Variants in SSH1 observed in about 807,000 individuals in gnomAD.
The protein encoded by SSH1 is protein phosphatase Slingshot homolog 1.
In SSH1, 43 loss-of-function variants were observed where a neutral mutation model predicts 79.7. That is an observed-to-expected ratio of 0.54 (90% CI 0.42 to 0.70). SSH1 has a LOEUF of 0.70. Among genes scored for constraint, SSH1 ranks in the 30% least tolerant of loss-of-function variants. SSH1 has a pLI of 0.00. For missense variants in SSH1, 1,206 were observed against 1,358.8 expected, an observed-to-expected ratio of 0.89 and a Z score of 1.77; for synonymous variants, 599 against 538.3, an observed-to-expected ratio of 1.11 and a Z score of -1.56.
chr12:108,797,325 T>A (rs2036795283), intron 13 of SSH1, among the ~76,000 whole-genome samples: 2 of 151,914 alleles, frequency 1.3e-5, no homozygotes, highest in Non-Finnish European at 2.9e-5. Flanking sequence ...AGACAGGGTC[T>A]CAGCATGTTG....
intron 13 of SSH1, among the ~76,000 whole-genome samples, chr12:108,796,665 C>T (rs1203775217): frequency 6.6e-6 from 1 of 152,046 alleles, no homozygotes; most frequent in East Asian, 1.9e-4. Context: ...CACTAATGTA[C>T]AAATATCTCT....
chr12:108,794,190 A>G (rs2036640965), intron 13 of SSH1, among the ~76,000 whole-genome samples: 3 of 152,180 alleles, frequency 2.0e-5, no homozygotes, highest in Admixed American at 6.5e-5. Context: ...CACCAGACTG[A>G]TATCTCCCAG....
chr12:108,789,372 T>C (rs963211957), intron 14 of SSH1, 128 bp from the exon 15 acceptor site: 1 of 914,054 alleles, frequency 1.1e-6, no homozygotes, highest in African/African-American at 1.6e-5. Context: ...GAGGCTCTCA[T>C]TTCACTTAAT....
chr12:108,833,461 C>T (rs934486745), intron 2 of SSH1, among the ~76,000 whole-genome samples: 1 of 152,202 alleles, frequency 6.6e-6, no homozygotes, highest in African/African-American at 2.4e-5. Context: ...GAGATTATCC[C>T]GACTGTCCCA....
intron 13 of SSH1, among the ~76,000 whole-genome samples, chr12:108,796,484 A>C (rs542548693): frequency 1.3e-5 from 2 of 152,322 alleles, no homozygotes; most frequent in African/African-American, 4.8e-5. Context: ...CACTTAGCGC[A>C]ATGTCATGAA....
rs2036250143 is a variant in SSH1 at position 108,785,582 on chromosome 12, G to C, written c.*2406C>G. The C allele has an allele frequency of 6.6e-6, 1 of 152,174 alleles. No individual in the cohort carries two copies. The highest frequency in any genetic ancestry group is 2.1e-4 in the South Asian group (1 of 4,834). 9.4% of individuals were successfully genotyped at this position (152,174 alleles called of 1,614,324 possible). A position where few individuals can be genotyped will look rare whatever the true frequency, so the allele number is the denominator to read the frequency against. ...TGGACGGGACCAGCGCTCTCGTCTGGATGTTGATATGCTAGCTGTGCTTCC... is the reference window on the plus strand; with the variant it reads ...TGGACGGGACCAGCGCTCTCGTCTGCATGTTGATATGCTAGCTGTGCTTCC... On this transcript the variant is annotated 3_prime_UTR_variant, in exon 15 of 15. Transcript: ENST00000326495.
intron 2 of SSH1, among the ~76,000 whole-genome samples, chr12:108,843,715 A>G (rs769264863): frequency 3.0e-4 from 46 of 152,070 alleles, no homozygotes; most frequent in South Asian, 6.2e-4. Flanking sequence ...TTGTATTTTT[A>G]GCAGAGACAG....
intron 2 of SSH1, among the ~76,000 whole-genome samples, chr12:108,835,423 T>C (rs1442668339): frequency 6.6e-6 from 1 of 151,934 alleles, no homozygotes; most frequent in African/African-American, 2.4e-5. Flanking sequence ...AGACTCCGTC[T>C]TAAAAAAACA....
intron 3 of SSH1, 127 bp from the exon 4 acceptor site, chr12:108,818,440 C>T: frequency 1.3e-6 from 1 of 764,472 alleles, no homozygotes; most frequent in South Asian, 1.6e-5. Flanking sequence ...ACCTACACCA[C>T]AGGAGAATCA....
chr12:108,790,802 C>T (rs915539482), intron 14 of SSH1, among the ~76,000 whole-genome samples: 1 of 152,192 alleles, frequency 6.6e-6, no homozygotes, highest in Non-Finnish European at 1.5e-5. Flanking sequence ...TTGAGAACCA[C>T]GGCTGTCCTG....
intron 3 of SSH1, among the ~76,000 whole-genome samples, chr12:108,819,450 C>T (rs551625086): frequency 7.9e-5 from 12 of 152,316 alleles, no homozygotes; most frequent in Admixed American, 6.5e-4. Flanking sequence ...GCAGGTGTGA[C>T]TCCAAGGTTG....
rs762799211 is a variant in SSH1 at position 108,785,860 on chromosome 12, T to C, written c.*2128A>G. 6.6e-6 allele frequency: 1 copy of C among 152,124 alleles called. No homozygotes were observed. Among genetic ancestry groups the C allele is most frequent in the Non-Finnish European group, 1.5e-5 (1 of 68,012 alleles). 9.4% of individuals were successfully genotyped at this position (152,124 alleles called of 1,614,324 possible). ...TTGATTTGGCAAAACATACCGAACTTGATATTTTTTGAGGCTATGCTTTTG... is the reference window on the plus strand; with the variant it reads ...TTGATTTGGCAAAACATACCGAACTCGATATTTTTTGAGGCTATGCTTTTG... On this transcript the variant is annotated 3_prime_UTR_variant, in exon 15 of 15. Transcript: ENST00000326495.
At chr12:108,832,922 C>G (rs1463984330) in intron 2 of SSH1, among the ~76,000 whole-genome samples, 1 of 152,182 alleles carries the variant, frequency 6.6e-6, no homozygotes, top group Non-Finnish European at 1.5e-5. Context: ...GAGCGTTATA[C>G]TTAGGGAAAG....
intron 6 of SSH1, among the ~76,000 whole-genome samples, 179 bp downstream of exon 6, chr12:108,811,081 G>A (rs374976831): frequency 7.2e-5 from 11 of 152,136 alleles, no homozygotes; most frequent in East Asian, 3.8e-4. Flanking sequence ...CCAATCAGAC[G>A]TCCAAAACAT....
Position 108,817,092 on chromosome 12 carries a change from C to G in SSH1, c.347G>C (p.Arg116Pro). 6.2e-7 allele frequency: 1 copy of G among 1,614,172 alleles called. No homozygotes were observed. The highest frequency in any genetic ancestry group is 8.5e-7 in the Non-Finnish European group (1 of 1,180,026). ...RYMVVVYSSG[R>P]QDTEENILLG... ...CAAGATATTCTCCTCGGTGTCCTGG[C>G]GCCCGCTGCTGTACACCACCACCAT... Residue 116 changes from arginine (R) to proline (P), a missense_variant, in exon 5 of 15, where the codon CGC (arginine) becomes CCC (proline). By Grantham distance (103) the Arg-to-Pro change is moderately radical. This residue lies in a region of SSH1 where 115 missense variants were observed against 173.9 expected (regional missense o/e 0.66). Coordinates refer to ENST00000326495, the MANE Select transcript of SSH1 (RefSeq NM_018984.4).
At chr12:108,791,428 T>G (rs570254889) in intron 14 of SSH1, among the ~76,000 whole-genome samples, 1 of 152,242 alleles carries the variant, frequency 6.6e-6, no homozygotes, top group South Asian at 2.1e-4. Context: ...TTTTAAAAGG[T>G]GACAATGGTA....
intron 7 of SSH1, 76 bp downstream of exon 7, chr12:108,809,617 G>A: frequency 1.6e-6 from 2 of 1,255,794 alleles, no homozygotes; most frequent in East Asian, 2.3e-5. Flanking sequence ...CTTCTTGGTA[G>A]AAGGGGTTTT....
chr12:108,827,227 T>G, intron 2 of SSH1: 2 of 1,523,394 alleles, frequency 1.3e-6, no homozygotes, highest in Non-Finnish European at 1.8e-6. Context: ...AACCAAGCCA[T>G]GGCAGGAAAC....
In SSH1 at chr12:108,783,914, G is replaced by A. The variant is rs900603705; in HGVS notation, c.*4074C>T. On this transcript the variant is annotated 3_prime_UTR_variant, in exon 15 of 15. Transcript: ENST00000326495. ...AAGTGAGCCTGCTCTGTGCTAGCCA[G>A]GTGTCACCAAGTTTCTGATCTACCC... 6.6e-6 allele frequency: 1 copy of A among 152,240 alleles called. No individual in the cohort carries two copies. Among genetic ancestry groups the A allele is most frequent in the African/African-American group, 2.4e-5 (1 of 41,452 alleles). The allele number at this position is 152,240 out of a possible 1,614,324, so 9.4% of individuals were successfully genotyped here. A position where few individuals can be genotyped will look rare whatever the true frequency, so the allele number is the denominator to read the frequency against.
Sources: allele counts gnomAD v4.1 joint callset (sites outside exome capture counted in the v4.1 genomes callset), GRCh38; gene constraint gnomAD v4.1.1; regional missense constraint gnomAD v4.1.1; transcripts MANE v1.5; gene names NCBI Gene and HGNC (gene_info 2026-07-23, HGNC 2026-07-21).